Variants in PKNOX2 observed in about 807,000 individuals in gnomAD.
PKNOX2 encodes homeobox protein PKNOX2.
A neutral mutation model predicts 53.1 loss-of-function variants in PKNOX2; 14 were observed. That is an observed-to-expected ratio of 0.26 (90% confidence interval 0.17 to 0.41). The LOEUF (loss-of-function observed/expected upper bound fraction) is 0.41. Ranked by LOEUF, PKNOX2 falls within the 10% of genes least tolerant of loss-of-function variation. The pLI, the probability that PKNOX2 is intolerant of heterozygous loss-of-function variation, is 1.00. For synonymous variants in PKNOX2, 257 were observed against 242.8 expected, an observed-to-expected ratio of 1.06 and a Z score of -0.54; for missense variants, 496 against 602.8, an observed-to-expected ratio of 0.82 and a Z score of 1.85.
At chr11:125,408,523 C>T (rs1419088467) in intron 7 of PKNOX2, among the ~76,000 whole-genome samples, 1 of 152,198 alleles carries the variant, frequency 6.6e-6, no homozygotes, top group Non-Finnish European at 1.5e-5. Flanking sequence ...GGAGGGCGTG[C>T]TTGGCTCCTC....
chr11:125,343,337 C>T (rs1236185768), intron 3 of PKNOX2, among the ~76,000 whole-genome samples: 1 of 152,170 alleles, frequency 6.6e-6, no homozygotes, highest in African/African-American at 2.4e-5. Context: ...GCGCACACCA[C>T]TTCCGTGAGC....
intron 2 of PKNOX2, among the ~76,000 whole-genome samples, chr11:125,324,743 C>T (rs1410831055): frequency 6.6e-6 from 1 of 152,164 alleles, no homozygotes; most frequent in Non-Finnish European, 1.5e-5. Context: ...TATCTGGTGG[C>T]AGAGGCAAAA....
At chr11:125,178,598 G>A (rs1261501444) in intron 1 of PKNOX2, among the ~76,000 whole-genome samples, 2 of 49,474 alleles carry the variant, frequency 4.0e-5, no homozygotes, top group African/African-American at 2.5e-4. Flanking sequence ...AGGAAGGAAG[G>A]AAGGAAGGAA....
At chr11:125,249,441 G>A (rs1943829839) in intron 2 of PKNOX2, among the ~76,000 whole-genome samples, 1 of 152,042 alleles carries the variant, frequency 6.6e-6, no homozygotes, top group Non-Finnish European at 1.5e-5. Flanking sequence ...AAAATATTTG[G>A]AGAAAAGAAA....
intron 1 of PKNOX2, among the ~76,000 whole-genome samples, chr11:125,199,440 T>C (rs779454262): frequency 6.6e-6 from 1 of 152,214 alleles, no homozygotes; most frequent in Non-Finnish European, 1.5e-5. Context: ...AAATATATTA[T>C]CCATCTGAGA....
At chr11:125,394,986 A>C (rs1954296188) in intron 6 of PKNOX2, among the ~76,000 whole-genome samples, 1 of 148,868 alleles carries the variant, frequency 6.7e-6, no homozygotes, top group African/African-American at 2.5e-5. Flanking sequence ...GTGTGTGTAC[A>C]TGTAATTAGT....
chr11:125,212,177 A>G (rs1358396573), intron 1 of PKNOX2, among the ~76,000 whole-genome samples: 2 of 152,116 alleles, frequency 1.3e-5, no homozygotes, highest in Admixed American at 6.5e-5. Flanking sequence ...GGGATTCCTC[A>G]TCTTCCCTTT....
chr11:125,342,431 C>T (rs766584727), intron 3 of PKNOX2, among the ~76,000 whole-genome samples: 1 of 152,170 alleles, frequency 6.6e-6, no homozygotes, highest in Non-Finnish European at 1.5e-5. Flanking sequence ...TCCTCCTCCC[C>T]CCAGCTCCCA....
intron 10 of PKNOX2, 124 bp from the exon 11 acceptor site, chr11:125,428,888 A>G (rs1225580483): frequency 1.4e-5 from 13 of 954,564 alleles, no homozygotes; most frequent in South Asian, 4.5e-5. Flanking sequence ...CACTTCCCCA[A>G]TTTTGGTTCC....
intron 1 of PKNOX2, among the ~76,000 whole-genome samples, chr11:125,200,518 C>G (rs1214645919): frequency 1.3e-5 from 2 of 152,210 alleles, no homozygotes; most frequent in Non-Finnish European, 2.9e-5. Flanking sequence ...CCATGGCTCT[C>G]CATGCACCAT....
intron 2 of PKNOX2, among the ~76,000 whole-genome samples, chr11:125,276,293 T>C (rs1946153000): frequency 6.6e-6 from 1 of 152,120 alleles, no homozygotes; most frequent in African/African-American, 2.4e-5. Context: ...GATGACTCCT[T>C]TGAATAGATT....
chr11:125,415,634 C>T (rs993511561), intron 10 of PKNOX2, among the ~76,000 whole-genome samples: 1 of 152,084 alleles, frequency 6.6e-6, no homozygotes, highest in African/African-American at 2.4e-5. Flanking sequence ...TTCACTGTTG[C>T]TCTGAGGAAC....
intron 3 of PKNOX2, among the ~76,000 whole-genome samples, chr11:125,341,714 G>C (rs1362784638): frequency 6.6e-6 from 1 of 152,392 alleles, no homozygotes; most frequent in East Asian, 1.9e-4. Flanking sequence ...GGAACGGCAT[G>C]GCTGTGAAAT....
chr11:125,404,533 A>G (rs1228616562), intron 7 of PKNOX2, among the ~76,000 whole-genome samples: 1 of 152,020 alleles, frequency 6.6e-6, no homozygotes, highest in Non-Finnish European at 1.5e-5. Flanking sequence ...GAACGGAGGG[A>G]TGCTGCCGGG....
At chr11:125,281,896 A>G (rs1309941444) in intron 2 of PKNOX2, among the ~76,000 whole-genome samples, 1 of 152,210 alleles carries the variant, frequency 6.6e-6, no homozygotes, top group East Asian at 1.9e-4. Flanking sequence ...ATGAAACCTT[A>G]AAAGAAGATC....
intron 1 of PKNOX2, among the ~76,000 whole-genome samples, chr11:125,201,385 G>GAA (rs3083786): frequency 6.6e-6 from 1 of 150,464 alleles, no homozygotes; most frequent in Non-Finnish European, 1.5e-5. Context: ...TTCCTTGGTA[G>GAA]AAAAAAAAAA....
chr11:125,390,715 G>A (rs1953996677), intron 6 of PKNOX2, among the ~76,000 whole-genome samples: 1 of 152,194 alleles, frequency 6.6e-6, no homozygotes, highest in South Asian at 2.1e-4. Flanking sequence ...GCTGGGATTT[G>A]AACCAAGTGG....
At chr11:125,172,851 G>T (rs1387973322) in intron 1 of PKNOX2, among the ~76,000 whole-genome samples, 1 of 152,192 alleles carries the variant, frequency 6.6e-6, no homozygotes, top group Non-Finnish European at 1.5e-5. Context: ...CCTAGGGGTT[G>T]GTTCTGACCC....
At chr11:125,316,410 G>A (rs1949195806) in intron 2 of PKNOX2, among the ~76,000 whole-genome samples, 1 of 152,194 alleles carries the variant, frequency 6.6e-6, no homozygotes, top group Non-Finnish European at 1.5e-5. Context: ...GCTTCATCTT[G>A]AATTTCACTT....
Sources: gnomAD v4.1 joint callset for allele counts (sites outside exome capture counted in the v4.1 genomes callset) on GRCh38, gnomAD v4.1.1 for gene constraint, MANE v1.5 for transcripts, NCBI Gene and HGNC (gene_info 2026-07-23, HGNC 2026-07-21) for gene names.